The following KCND2 variants were observed in gnomAD, a reference collection of about 807,000 sequenced individuals.
The protein encoded by KCND2 is A-type voltage-gated potassium channel KCND2.
KCND2 carries 16 observed loss-of-function variants against 54.4 expected under a neutral mutation model. The observed-to-expected ratio is 0.29, with a 90% CI of 0.20 to 0.45. KCND2 has a LOEUF of 0.45. KCND2 is among the 20% of genes least tolerant of loss of function. KCND2 has a pLI of 1.00. For missense variants in KCND2, 486 were observed against 824.2 expected (o/e 0.59, Z 5.02); for synonymous variants, 317 against 310.7 (o/e 1.02, Z -0.21).
intron 1 of KCND2, among the ~76,000 whole-genome samples, chr7:120,645,368 G>A (rs1321180008): frequency 6.6e-6 from 1 of 152,146 alleles, no homozygotes; most frequent in Non-Finnish European, 1.5e-5. Context: ...ATAGGGTTCT[G>A]TGGCCCATGA....
intron 1 of KCND2, among the ~76,000 whole-genome samples, chr7:120,369,774 C>T (rs1203624785): frequency 1.3e-5 from 2 of 151,978 alleles, no homozygotes; most frequent in East Asian, 3.9e-4. Flanking sequence ...TTCACTCAGA[C>T]AACAATATTT....
intron 1 of KCND2, among the ~76,000 whole-genome samples, chr7:120,397,991 G>GTATATA (rs1392989590): frequency 1.3e-4 from 5 of 37,828 alleles, no homozygotes; most frequent in Non-Finnish European, 3.9e-4. Context: ...GTGTGTGTGT[G>GTATATA]TGTGTATATA....
chr7:120,557,542 C>T (rs1227527094), intron 1 of KCND2, among the ~76,000 whole-genome samples: 1 of 152,072 alleles, frequency 6.6e-6, no homozygotes, highest in Non-Finnish European at 1.5e-5. Context: ...ATTTATTTCC[C>T]TCCTCATGTA....
intron 1 of KCND2, among the ~76,000 whole-genome samples, chr7:120,391,228 C>A (rs1408130870): frequency 6.6e-6 from 1 of 152,086 alleles, no homozygotes; most frequent in Non-Finnish European, 1.5e-5. Flanking sequence ...TCTTCCATGT[C>A]CGTGCAAAGG....
chr7:120,488,306 TATC>T (rs1243464293), intron 1 of KCND2, among the ~76,000 whole-genome samples: 6 of 152,194 alleles, frequency 3.9e-5, no homozygotes, highest in African/African-American at 1.4e-4. Context: ...AAGTATATTT[TATC>T]ATTCAAATGT....
At position 120,630,191 on chromosome 7, in the gene KCND2, A is replaced by G. The variant is rs1216562567; in HGVS notation, c.1116-102712A>G. On this transcript the variant is annotated intron_variant, in intron 1 of 5. Transcript: ENST00000331113. Reference sequence around the variant, plus strand: ...TAGTTAGCAAGTCGGTTTCATATTAATGCACCAGACACAAACAGTAGTGAC... The same window carrying G: ...TAGTTAGCAAGTCGGTTTCATATTAGTGCACCAGACACAAACAGTAGTGAC... Among the ~76,000 whole-genome samples the G allele has an allele frequency of 2.6e-5, 4 of 152,178 alleles. No individual in the cohort carries two copies. In the East Asian group the frequency reaches 7.7e-4, roughly 29 times the overall value.
At chr7:120,330,052 G>A (rs557646198) in intron 1 of KCND2, among the ~76,000 whole-genome samples, 1 of 152,116 alleles carries the variant, frequency 6.6e-6, no homozygotes, top group Admixed American at 6.5e-5. Context: ...ATAAAAAAAA[G>A]GTCTATAGAG....
At chr7:120,617,631 A>G (rs1171003359) in intron 1 of KCND2, among the ~76,000 whole-genome samples, 1 of 152,190 alleles carries the variant, frequency 6.6e-6, no homozygotes, top group Admixed American at 6.5e-5. Context: ...CGATCCAGCA[A>G]TCCAGTTACT....
At chr7:120,709,262 C>T (rs1368452749) in intron 1 of KCND2, among the ~76,000 whole-genome samples, 2 of 152,104 alleles carry the variant, frequency 1.3e-5, no homozygotes, top group African/African-American at 4.8e-5. Flanking sequence ...AACAAAACTT[C>T]AAATTATTAC....
intron 1 of KCND2, among the ~76,000 whole-genome samples, chr7:120,439,769 T>C (rs1043412507): frequency 2.6e-5 from 4 of 152,118 alleles, no homozygotes; most frequent in African/African-American, 7.2e-5. Flanking sequence ...TGTTTAGCTT[T>C]ATGTGCATGA....
intron 1 of KCND2, among the ~76,000 whole-genome samples, chr7:120,711,185 T>G (rs561080331): frequency 2.0e-4 from 30 of 152,270 alleles, no homozygotes; most frequent in African/African-American, 7.2e-4. Context: ...ATTAGATTTA[T>G]GAATTGTGTG....
chr7:120,685,180 G>T (rs1792185269), intron 1 of KCND2, among the ~76,000 whole-genome samples: 1 of 152,164 alleles, frequency 6.6e-6, no homozygotes, highest in African/African-American at 2.4e-5. Flanking sequence ...ATAGATGAGT[G>T]CTGATAAAGT....
At chr7:120,282,341 G>A (rs1799278504) in intron 1 of KCND2, among the ~76,000 whole-genome samples, 1 of 152,088 alleles carries the variant, frequency 6.6e-6, no homozygotes, top group African/African-American at 2.4e-5. Flanking sequence ...TTAAAATAGG[G>A]AAATATTGTC....
chr7:120,397,547 T>C (rs1801171923), intron 1 of KCND2, among the ~76,000 whole-genome samples: 1 of 152,038 alleles, frequency 6.6e-6, no homozygotes, highest in Non-Finnish European at 1.5e-5. Context: ...TTGCTAAGTT[T>C]AATAATATTC....
At chr7:120,697,307 G>A (rs1396239331) in intron 1 of KCND2, among the ~76,000 whole-genome samples, 1 of 152,068 alleles carries the variant, frequency 6.6e-6, no homozygotes, top group African/African-American at 2.4e-5. Flanking sequence ...CCACTTAAAA[G>A]TTAATATTTT....
chr7:120,564,921 G>T (rs979638434), intron 1 of KCND2, among the ~76,000 whole-genome samples: 1 of 152,018 alleles, frequency 6.6e-6, no homozygotes, highest in Non-Finnish European at 1.5e-5. Flanking sequence ...GTGCATCTTT[G>T]TTTCTTATTT....
At chr7:120,597,226 T>C (rs184616540) in intron 1 of KCND2, among the ~76,000 whole-genome samples, 29 of 152,192 alleles carry the variant, frequency 1.9e-4, no homozygotes, top group Admixed American at 4.6e-4. Context: ...AATGAGCGCA[T>C]TGATGTCTGA....
At chr7:120,291,391 C>T (rs1799433021) in intron 1 of KCND2, among the ~76,000 whole-genome samples, 1 of 151,692 alleles carries the variant, frequency 6.6e-6, no homozygotes, top group Non-Finnish European at 1.5e-5. Flanking sequence ...TATCTTTTGC[C>T]ATCATTAAGA....
In KCND2 at chr7:120,725,227, A is replaced by AT. The variant is rs563596866; in HGVS notation, c.1116-7670dup. ...TAAAATCATCTTAGTTCTTTCCTTG[A>AT]TTTTTTCTTTTCTATACACAAATCT... On this transcript the variant is annotated intron_variant, in intron 1 of 5. Coordinates refer to ENST00000331113, the MANE Select transcript of KCND2 (RefSeq NM_012281.3). Among the ~76,000 whole-genome samples, 360 of 152,168 alleles carry AT rather than the reference A, an allele frequency of 2.4e-3. 2 individuals carry two copies. Among genetic ancestry groups the AT allele is most frequent in the African/African-American group, 8.4e-3 (351 of 41,550 alleles).
Sources: allele counts gnomAD v4.1 joint callset (sites outside exome capture counted in the v4.1 genomes callset), GRCh38; gene constraint gnomAD v4.1.1; transcripts MANE v1.5; gene names NCBI Gene and HGNC (gene_info 2026-07-23, HGNC 2026-07-21).